Variants in MITF observed in about 807,000 individuals in gnomAD.
MITF encodes the protein melanocyte inducing transcription factor.
Under a neutral mutation model 60.5 loss-of-function variants are expected in MITF, and 17 were observed. The ratio of observed to expected loss-of-function variants is 0.28; its 90% confidence interval spans 0.19 to 0.42. The LOEUF is 0.42. Ranked by LOEUF, MITF falls within the 10% of genes least tolerant of loss-of-function variation. The probability of loss-of-function intolerance (pLI) is 1.00; values close to 1 mark genes in which losing one functional copy is unlikely to be tolerated. For synonymous variants in MITF, 260 were observed against 248.5 expected, an observed-to-expected ratio of 1.05 and a Z score of -0.43; for missense variants, 622 against 683.5, an observed-to-expected ratio of 0.91 and a Z score of 1.00.
intron 1 of MITF, among the ~76,000 whole-genome samples, chr3:69,874,694 A>G (rs1406586892): frequency 6.6e-6 from 1 of 152,212 alleles, no homozygotes; most frequent in Admixed American, 6.5e-5. Context: ...GTACTGTCTT[A>G]GAGGACTGTG....
chr3:69,842,863 T>C (rs2063665374), intron 1 of MITF, among the ~76,000 whole-genome samples: 1 of 152,164 alleles, frequency 6.6e-6, no homozygotes, highest in South Asian at 2.1e-4. Context: ...CTGTGTGGTG[T>C]AAACTTTATT....
At chr3:69,866,830 C>T (rs1575843109) in intron 1 of MITF, among the ~76,000 whole-genome samples, 4 of 139,458 alleles carry the variant, frequency 2.9e-5, no homozygotes, top group Admixed American at 2.2e-4. Flanking sequence ...CTCCCCCCAC[C>T]TTTTTTTTTT....
intron 1 of MITF, among the ~76,000 whole-genome samples, chr3:69,871,611 A>T (rs2064238488): frequency 6.6e-6 from 1 of 152,158 alleles, no homozygotes; most frequent in Non-Finnish European, 1.5e-5. Context: ...TTTTGTCTTT[A>T]TTTCAACACA....
At chr3:69,887,079 AT>A (rs1157820602) in intron 2 of MITF, among the ~76,000 whole-genome samples, 1 of 152,084 alleles carries the variant, frequency 6.6e-6, no homozygotes, top group African/African-American at 2.4e-5. Flanking sequence ...AGCTCTTGCC[AT>A]ATTTTAGCAC....
At chr3:69,836,417 T>A (rs1215577800) in intron 1 of MITF, among the ~76,000 whole-genome samples, 1 of 152,232 alleles carries the variant, frequency 6.6e-6, no homozygotes, top group Non-Finnish European at 1.5e-5. Context: ...ATGGTTTTCC[T>A]GAAACTCAAA....
intron 2 of MITF, among the ~76,000 whole-genome samples, chr3:69,919,817 G>GT (rs34303110): frequency 0.44 from 65,610 of 150,650 alleles, 17,269 homozygotes; most frequent in Middle Eastern, 0.6. Context: ...ATTTGCTGGG[G>GT]TTTTTTTTTG....
At chr3:69,840,325 G>A (rs1185459629) in intron 1 of MITF, among the ~76,000 whole-genome samples, 48 of 152,130 alleles carry the variant, frequency 3.2e-4, no homozygotes, top group Non-Finnish European at 8.8e-5. Flanking sequence ...TTAATTGCCC[G>A]GGGTGAGCTG....
intron 9 of MITF, among the ~76,000 whole-genome samples, chr3:69,963,216 A>T (rs751866947): frequency 5.9e-5 from 9 of 152,216 alleles, no homozygotes; most frequent in Non-Finnish European, 1.2e-4. Context: ...AATGTATGTG[A>T]GGAAGGAAAG....
At chr3:69,892,364 C>T (rs563968548) in intron 2 of MITF, among the ~76,000 whole-genome samples, 1 of 152,282 alleles carries the variant, frequency 6.6e-6, no homozygotes, top group African/African-American at 2.4e-5. Context: ...TTTATCCCTG[C>T]CCATGCATAT....
At position 69,858,839 on chromosome 3, in the gene MITF, C is replaced by T. The variant is rs1366488467; in HGVS notation, c.105-20295C>T. Among the ~76,000 whole-genome samples, 4 of 152,204 alleles carry T rather than the reference C, an allele frequency of 2.6e-5. No homozygotes were observed. In the South Asian group the frequency reaches 8.3e-4, roughly 32 times the overall value. On this transcript the variant is annotated intron_variant, in intron 1 of 9. Transcript: ENST00000352241. The stretch of plus-strand genomic sequence containing the variant: ...CTCCAAATAATAACTTTTATTTGCC[C>T]TAGAATTTAAAGTTCTTTGAGGCTC...
intron 2 of MITF, among the ~76,000 whole-genome samples, chr3:69,895,867 A>G (rs575435663): frequency 2.2e-5 from 3 of 134,538 alleles, no homozygotes; most frequent in South Asian, 4.7e-4. Context: ...TGTTTTGACA[A>G]TTTTTCTCTT....
At chr3:69,783,260 C>A (rs1034948609) in intron 1 of MITF, among the ~76,000 whole-genome samples, 2 of 152,100 alleles carry the variant, frequency 1.3e-5, no homozygotes, top group Non-Finnish European at 2.9e-5. Flanking sequence ...CCTGAAATTA[C>A]CTTTTGCTTG....
chr3:69,962,187 A>T (rs947050754), intron 9 of MITF, among the ~76,000 whole-genome samples: 1 of 152,224 alleles, frequency 6.6e-6, no homozygotes, highest in Non-Finnish European at 1.5e-5. Flanking sequence ...TGTTCTTATT[A>T]GCATGTTGGT....
intron 1 of MITF, among the ~76,000 whole-genome samples, chr3:69,812,610 G>C (rs567776815): frequency 6.6e-6 from 1 of 152,090 alleles, no homozygotes; most frequent in Admixed American, 6.5e-5. Context: ...TGCTGCCTCA[G>C]TTGTCTCAGT....
chr3:69,822,220 C>T (rs2063287267), intron 1 of MITF, among the ~76,000 whole-genome samples: 1 of 152,120 alleles, frequency 6.6e-6, no homozygotes, highest in Admixed American at 6.5e-5. Flanking sequence ...GTTTTTCCCC[C>T]CAGCCGTTTA....
intron 1 of MITF, among the ~76,000 whole-genome samples, chr3:69,861,973 A>G (rs1308194405): frequency 6.6e-6 from 1 of 152,016 alleles, no homozygotes; most frequent in East Asian, 1.9e-4. Context: ...TTCTTTATTC[A>G]ATAAATAAAA....
At chr3:69,944,033 G>C (rs945906073) in intron 5 of MITF, among the ~76,000 whole-genome samples, 1 of 152,124 alleles carries the variant, frequency 6.6e-6, no homozygotes, top group African/African-American at 2.4e-5. Context: ...GTTCAAGGAT[G>C]CAATGAATCA....
At chr3:69,936,557 GTTA>G in intron 2 of MITF, 1 of 1,458,152 alleles carries the variant, frequency 6.9e-7, no homozygotes, top group Non-Finnish European at 9.1e-7. Context: ...ATTAGCTTAG[GTTA>G]TTATAAGCAG....
At chr3:69,866,283 G>GA in intron 1 of MITF, 1 of 1,613,454 alleles carries the variant, frequency 6.2e-7, no homozygotes, top group Non-Finnish European at 8.5e-7. Context: ...CACCTTAAAG[G>GA]AAAAAAGATG....
Sources: allele counts gnomAD v4.1 joint callset (sites outside exome capture counted in the v4.1 genomes callset), GRCh38; gene constraint gnomAD v4.1.1; transcripts MANE v1.5; gene names NCBI Gene and HGNC (gene_info 2026-07-23, HGNC 2026-07-21).